The following CBFA2T3 variants were observed in gnomAD, a reference collection of about 807,000 sequenced individuals.
CBFA2T3 encodes the protein transcriptional corepressor CBFA2T3.
CBFA2T3 carries 31 observed loss-of-function variants against 58.6 expected under a neutral mutation model. The observed-to-expected ratio is 0.53, with a 90% CI of 0.40 to 0.71. The LOEUF (loss-of-function observed/expected upper bound fraction) is 0.71, where lower values mean the gene tolerates loss of function less well. CBFA2T3 is among the 30% of genes least tolerant of loss of function. The probability of loss-of-function intolerance (pLI) is 0.00; values close to 1 mark genes in which losing one functional copy is unlikely to be tolerated. For synonymous variants in CBFA2T3, 531 were observed against 421.9 expected (o/e 1.26, Z -3.17); for missense variants, 1,076 against 963.1 (o/e 1.12, Z -1.55).
intron 3 of CBFA2T3, among the ~76,000 whole-genome samples, chr16:88,897,184 G>C (rs530253862): frequency 2.7e-4 from 41 of 152,360 alleles, no homozygotes; most frequent in African/African-American, 9.1e-4. Context: ...TAAGATCACA[G>C]AGTGGATGAC....
Position 88,953,024 on chromosome 16 carries a change from C to T in CBFA2T3, c.151+23633G>A, listed in dbSNP as rs1270886879. 1.3e-5 allele frequency among the ~76,000 whole-genome samples: 2 copies of T among 152,158 alleles called. No homozygotes were observed. Among genetic ancestry groups the T allele is most frequent in the Admixed American group, 6.5e-5 (1 of 15,284 alleles). ...ACGGCATGTCCCGCCATCGGGTTTG[C>T]TGCTGAATGAGCAGATGATCTAATG... is the stretch of plus-strand genomic sequence containing the variant. On this transcript the variant is annotated intron_variant, in intron 1 of 11. Transcript: ENST00000268679. The surrounding 1 kb of genome is among the most constrained non-coding windows in gnomAD (Gnocchi z 4.9).
At chr16:88,974,740 T>A (rs1972751831) in intron 1 of CBFA2T3, among the ~76,000 whole-genome samples, 1 of 151,952 alleles carries the variant, frequency 6.6e-6, no homozygotes, top group Non-Finnish European at 1.5e-5. Context: ...TGCCCTCAGG[T>A]CTGTCCAGGA....
At chr16:88,951,405 C>T (rs1351056389) in intron 1 of CBFA2T3, 1 of 441,886 alleles carries the variant, frequency 2.3e-6, no homozygotes, top group African/African-American at 2.0e-5. Flanking sequence ...TGAGAGGTAT[C>T]ATTAGCTGCG....
intron 8 of CBFA2T3, among the ~76,000 whole-genome samples, chr16:88,881,943 C>T (rs536043455): frequency 5.3e-5 from 8 of 152,342 alleles, no homozygotes; most frequent in African/African-American, 1.4e-4. Context: ...GGGCCGTCCC[C>T]GAACACGTCC....
intron 1 of CBFA2T3, among the ~76,000 whole-genome samples, chr16:88,915,644 CGTGGAGGGGGAGCGTGGACGGGGGAGT>C (rs1970688355): frequency 2.4e-5 from 1 of 41,050 alleles, no homozygotes; most frequent in Non-Finnish European, 4.4e-5. Flanking sequence ...GGAGGAGGAG[CGTGGAGGGGGAGCGTGGACGGGGGAGT>C]GTGGAGGGGG....
chr16:88,890,668 T>C (rs550839018), intron 5 of CBFA2T3, among the ~76,000 whole-genome samples: 21 of 152,300 alleles, frequency 1.4e-4, no homozygotes, highest in South Asian at 6.2e-4. Flanking sequence ...CGTCTGTGTG[T>C]GCGTGGGAAT....
intron 3 of CBFA2T3, among the ~76,000 whole-genome samples, chr16:88,892,870 T>C (rs891680858): frequency 3.3e-5 from 5 of 152,222 alleles, no homozygotes; most frequent in Admixed American, 1.3e-4. Context: ...TTCTCCTGCC[T>C]GGCACCACTC....
intron 1 of CBFA2T3, among the ~76,000 whole-genome samples, chr16:88,920,495 G>C (rs1324174716): frequency 2.6e-5 from 4 of 151,326 alleles, no homozygotes; most frequent in African/African-American, 9.7e-5. Flanking sequence ...ATGTTGGCCA[G>C]GCTGGTCTCG....
intron 1 of CBFA2T3, among the ~76,000 whole-genome samples, chr16:88,925,384 T>C (rs773640759): frequency 6.6e-6 from 1 of 152,104 alleles, no homozygotes; most frequent in Non-Finnish European, 1.5e-5. Context: ...TCATGCAGCC[T>C]CCAGGAGATC....
chr16:88,906,899 C>A (rs527315597), intron 1 of CBFA2T3, among the ~76,000 whole-genome samples: 85 of 152,346 alleles, frequency 5.6e-4, no homozygotes, highest in Non-Finnish European at 1.1e-3. Flanking sequence ...TCCAGCCCCA[C>A]GCTGGGACAC....
At chr16:88,943,423 G>A (rs143009668) in intron 1 of CBFA2T3, among the ~76,000 whole-genome samples, 3 of 152,364 alleles carry the variant, frequency 2.0e-5, no homozygotes, top group East Asian at 3.9e-4. Flanking sequence ...CAGACCTGAA[G>A]GCACTGAAGA....
At chr16:88,894,568 GCACA>G (rs1232676646) in intron 3 of CBFA2T3, among the ~76,000 whole-genome samples, 4 of 145,410 alleles carry the variant, frequency 2.8e-5, no homozygotes, top group African/African-American at 5.3e-5. Context: ...ACACACACAT[GCACA>G]CACACATGCA....
chr16:88,896,714 T>C (rs1363012146), intron 3 of CBFA2T3, among the ~76,000 whole-genome samples: 1 of 152,182 alleles, frequency 6.6e-6, no homozygotes, highest in Non-Finnish European at 1.5e-5. Context: ...CACGAGGGAC[T>C]GTCGTCAGGA....
At chr16:88,903,585 C>T (rs1761356910) in intron 1 of CBFA2T3, among the ~76,000 whole-genome samples, 3 of 150,344 alleles carry the variant, frequency 2.0e-5, no homozygotes, top group Admixed American at 2.0e-4. Context: ...GCTGCAGGGC[C>T]GGTGGCCAGT....
Position 88,897,867 on chromosome 16 carries a change from G to A in CBFA2T3, c.379+211C>T, listed in dbSNP as rs142793192. Among the ~76,000 whole-genome samples the A allele has an allele frequency of 5.5e-3, 842 of 152,352 alleles. 6 individuals are homozygous for A. The highest frequency in any genetic ancestry group is 0.02 in the African/African-American group (811 of 41,574). ...TGCCTAAGGCCCCGCAGCTTGGAGCGGAGGGTCTGTGGGATGCAGCGACCC... is the reference window on the plus strand; with the variant it reads ...TGCCTAAGGCCCCGCAGCTTGGAGCAGAGGGTCTGTGGGATGCAGCGACCC... On this transcript the variant is annotated intron_variant, in intron 3 of 11. Coordinates refer to ENST00000268679, the MANE Select transcript of CBFA2T3 (RefSeq NM_005187.6).
At chr16:88,891,184 C>G (rs1969615754) in intron 5 of CBFA2T3, among the ~76,000 whole-genome samples, 1 of 151,896 alleles carries the variant, frequency 6.6e-6, no homozygotes, top group South Asian at 2.1e-4. Context: ...CCGCCCTCAC[C>G]TCTGCTCTCT....
intron 5 of CBFA2T3, among the ~76,000 whole-genome samples, chr16:88,891,321 G>A (rs1969621676): frequency 6.6e-6 from 1 of 152,154 alleles, no homozygotes; most frequent in African/African-American, 2.4e-5. Flanking sequence ...CGCTGGCTCT[G>A]CACCTAGCTC....
At chr16:88,932,626 G>C (rs768387378) in intron 1 of CBFA2T3, among the ~76,000 whole-genome samples, 1 of 151,546 alleles carries the variant, frequency 6.6e-6, no homozygotes, top group Admixed American at 6.6e-5. Flanking sequence ...CAGCCTGAGC[G>C]ATAGAGGGAG....
intron 1 of CBFA2T3, among the ~76,000 whole-genome samples, chr16:88,972,776 GC>G (rs1298386914): frequency 6.6e-6 from 1 of 152,186 alleles, no homozygotes; most frequent in Non-Finnish European, 1.5e-5. Context: ...CCGACATGGA[GC>G]CCCCCAACAC....
Sources: gnomAD v4.1 joint callset for allele counts (sites outside exome capture counted in the v4.1 genomes callset) on GRCh38, gnomAD v4.1.1 for gene constraint, Gnocchi (gnomAD v3.1) non-coding constraint, MANE v1.5 for transcripts, NCBI Gene and HGNC (gene_info 2026-07-23, HGNC 2026-07-21) for gene names.